The following INTS9 variants were observed in gnomAD, a reference collection of about 807,000 sequenced individuals.
The protein encoded by INTS9 is protein related to CPSF subunits of 74 kDa.
A neutral mutation model predicts 79.7 loss-of-function variants in INTS9; 55 were observed. The ratio of observed to expected loss-of-function variants is 0.69; its 90% CI spans 0.56 to 0.86. INTS9 has a LOEUF of 0.86. INTS9 is among the 40% of genes least tolerant of loss of function. The pLI is 0.00. For missense variants in INTS9, 721 were observed against 831.5 expected, an observed-to-expected ratio of 0.87 and a Z score of 1.64; for synonymous variants, 319 against 325.2, an observed-to-expected ratio of 0.98 and a Z score of 0.20.
At chr8:28,789,650 C>G (rs1350793199) in intron 10 of INTS9, among the ~76,000 whole-genome samples, 3 of 152,132 alleles carry the variant, frequency 2.0e-5, no homozygotes, top group African/African-American at 7.2e-5. Flanking sequence ...TCCCACCACT[C>G]TGGAAGGCCA....
intron 10 of INTS9, among the ~76,000 whole-genome samples, chr8:28,790,481 C>T (rs549917068): frequency 3.9e-5 from 6 of 152,276 alleles, no homozygotes; most frequent in East Asian, 1.9e-4. Context: ...ACATGCACCA[C>T]CATACCCTGC....
intron 4 of INTS9, among the ~76,000 whole-genome samples, chr8:28,839,531 C>A (rs1342487258): frequency 5.9e-5 from 9 of 152,202 alleles, no homozygotes. Flanking sequence ...TGCTACCTGA[C>A]TTCAAACTAT....
At chr8:28,811,371 G>A (rs1335334736) in intron 8 of INTS9, among the ~76,000 whole-genome samples, 10 of 151,570 alleles carry the variant, frequency 6.6e-5, no homozygotes, top group South Asian at 2.1e-4. Flanking sequence ...TGATCCACTC[G>A]CCTTGGCTTC....
intron 4 of INTS9, among the ~76,000 whole-genome samples, chr8:28,844,224 A>T (rs1459862748): frequency 6.6e-6 from 1 of 152,192 alleles, no homozygotes; most frequent in Non-Finnish European, 1.5e-5. Context: ...TGGTCTGTAA[A>T]TGTTGATGTG....
chr8:28,821,302 C>T (rs180931207), intron 6 of INTS9, among the ~76,000 whole-genome samples: 37 of 152,292 alleles, frequency 2.4e-4, no homozygotes, highest in Admixed American at 1.8e-3. Flanking sequence ...GTGAAAGATA[C>T]TTCTTACATG....
chr8:28,861,607 T>C (rs1459907597), intron 1 of INTS9, among the ~76,000 whole-genome samples: 1 of 152,104 alleles, frequency 6.6e-6, no homozygotes, highest in East Asian at 1.9e-4. Context: ...AGAAAAAAAA[T>C]GTGATTAAAA....
chr8:28,837,408 T>C (rs1806865969), intron 5 of INTS9, among the ~76,000 whole-genome samples: 1 of 152,136 alleles, frequency 6.6e-6, no homozygotes, highest in Non-Finnish European at 1.5e-5. Flanking sequence ...ATGAACTCCT[T>C]CCAATTAATT....
intron 10 of INTS9, among the ~76,000 whole-genome samples, chr8:28,791,270 G>A (rs1481287409): frequency 3.9e-5 from 6 of 152,068 alleles, no homozygotes; most frequent in African/African-American, 1.4e-4. Flanking sequence ...ATATAATCAT[G>A]TTCATTTCCT....
In INTS9 at chr8:28,777,930, C is replaced by A; in HGVS notation, c.1294G>T (p.Ala432Ser). Reference protein sequence around the residue: ...FTEPDFSYLEALAPYQPLAMK... With the variant: ...FTEPDFSYLESLAPYQPLAMK... ...GCCAGCGGCTGGTAAGGAGCCAGGG[C>A]TTCCAGGTAGGAGAAGTCTGGTTCT... is the stretch of plus-strand genomic sequence containing the variant. The change falls in exon 13 of 17, where the codon GCC becomes TCC. Residue 432 changes from alanine to serine, a missense_variant. This residue lies in a region of INTS9 where 149 missense variants were observed against 223.7 expected (regional missense o/e 0.67). Coordinates refer to ENST00000521022, the MANE Select transcript of INTS9 (RefSeq NM_018250.4). 6.2e-7 allele frequency: 1 copy of A among 1,611,568 alleles called. No homozygotes were observed. The highest frequency in any genetic ancestry group is 8.5e-7 in the Non-Finnish European group (1 of 1,178,844).
intron 3 of INTS9, among the ~76,000 whole-genome samples, chr8:28,849,720 C>A (rs1304780626): frequency 6.6e-6 from 1 of 152,146 alleles, no homozygotes. Flanking sequence ...CCTTCTGTAA[C>A]CTTCTGTGGC....
intron 1 of INTS9, among the ~76,000 whole-genome samples, chr8:28,883,288 G>A (rs1809995905): frequency 6.6e-6 from 1 of 152,156 alleles, no homozygotes. Context: ...AGATTCTTAT[G>A]GCACCATATT....
At chr8:28,845,596 C>T (rs1018737566) in intron 4 of INTS9, among the ~76,000 whole-genome samples, 2 of 152,204 alleles carry the variant, frequency 1.3e-5, no homozygotes, top group Non-Finnish European at 2.9e-5. Context: ...TGGAAGGTTG[C>T]AGTAGTTGGC....
intron 1 of INTS9, among the ~76,000 whole-genome samples, chr8:28,865,016 G>A (rs1422992846): frequency 6.7e-6 from 1 of 149,996 alleles, no homozygotes; most frequent in Non-Finnish European, 1.5e-5. Flanking sequence ...GTTTCAACTT[G>A]TAGTCAGTTT....
chr8:28,876,200 C>T (rs1809377169), intron 1 of INTS9, among the ~76,000 whole-genome samples: 1 of 152,080 alleles, frequency 6.6e-6, no homozygotes, highest in African/African-American at 2.4e-5. Context: ...CCAAGGAAAC[C>T]TTGCAATTTT....
At chr8:28,836,676 C>G (rs932174729) in intron 5 of INTS9, among the ~76,000 whole-genome samples, 6 of 152,200 alleles carry the variant, frequency 3.9e-5, no homozygotes, top group Non-Finnish European at 7.3e-5. Context: ...CTGATCCTCA[C>G]TGCTTTAACT....
intron 1 of INTS9, among the ~76,000 whole-genome samples, chr8:28,878,529 C>T (rs1392443502): frequency 6.6e-6 from 1 of 151,232 alleles, no homozygotes; most frequent in African/African-American, 2.4e-5. Context: ...ACTGTGTTGC[C>T]CAGGCTGGAC....
At chr8:28,871,658 G>A (rs565514795) in intron 1 of INTS9, among the ~76,000 whole-genome samples, 76 of 152,110 alleles carry the variant, frequency 5.0e-4, no homozygotes, top group African/African-American at 1.6e-3. Flanking sequence ...CGCTCACCTC[G>A]GCCTTCCAAA....
intron 1 of INTS9, among the ~76,000 whole-genome samples, chr8:28,868,855 C>G (rs1808909354): frequency 6.6e-6 from 1 of 152,084 alleles, no homozygotes; most frequent in Non-Finnish European, 1.5e-5. Flanking sequence ...GTAATCCCAG[C>G]ACTTTGGGAG....
chr8:28,812,907 G>C (rs107069), intron 7 of INTS9, among the ~76,000 whole-genome samples: 77,909 of 152,040 alleles, frequency 0.51, 22,527 homozygotes, highest in Non-Finnish European at 0.66. Context: ...AAAGATGATG[G>C]AGATCAACTG....
Sources: allele counts gnomAD v4.1 joint callset (sites outside exome capture counted in the v4.1 genomes callset), GRCh38; gene constraint gnomAD v4.1.1; regional missense constraint gnomAD v4.1.1; transcripts MANE v1.5; gene names NCBI Gene and HGNC (gene_info 2026-07-23, HGNC 2026-07-21).